The following PLCH1 variants were observed in gnomAD, a reference collection of about 807,000 sequenced individuals.
The protein encoded by PLCH1 is 1-phosphatidylinositol 4,5-bisphosphate phosphodiesterase eta-1.
PLCH1 carries 60 observed loss-of-function variants against 126.7 expected under a neutral mutation model. The ratio of observed to expected loss-of-function variants is 0.47; its 90% confidence interval spans 0.38 to 0.59. The LOEUF (loss-of-function observed/expected upper bound fraction) is 0.59. Ranked by LOEUF, PLCH1 falls within the 20% of genes least tolerant of loss-of-function variation. The pLI, the probability that PLCH1 is intolerant of heterozygous loss-of-function variation, is 0.00. For missense variants in PLCH1, 1,723 were observed against 2,040.0 expected (o/e 0.84, Z 2.99); for synonymous variants, 719 against 734.9 (o/e 0.98, Z 0.35).
intron 4 of PLCH1, among the ~76,000 whole-genome samples, chr3:155,590,083 A>T (rs1286725665): frequency 6.6e-6 from 1 of 152,210 alleles, no homozygotes; most frequent in Non-Finnish European, 1.5e-5. Flanking sequence ...GCCATCACTC[A>T]GCATGGCCAT....
rs557369057 is a variant in PLCH1, at chr3:155,737,231, C to CAAAAAAAAAA, written c.-41+7599_-41+7608dup. Among the ~76,000 whole-genome samples, 80 of 59,532 alleles carry CAAAAAAAAAA rather than the reference C, an allele frequency of 1.3e-3. 13 individuals are homozygous for CAAAAAAAAAA. The highest frequency in any genetic ancestry group is 2.5e-3 in the African/African-American group (43 of 17,446). 39.1% of individuals were successfully genotyped at this position (59,532 alleles called of 152,430 possible). On this transcript the variant is annotated intron_variant, in intron 1 of 22. Coordinates refer to ENST00000460012, the MANE Select transcript of PLCH1 (RefSeq NM_014996.4). Reference sequence around the variant, plus strand: ...TGGGTGACAGAGCAAGCCTCCGTCTCAAAAAAAAAAAAAAAAAAGAGTATA... The same window carrying CAAAAAAAAAA: ...TGGGTGACAGAGCAAGCCTCCGTCTCAAAAAAAAAAAAAAAAAAAAAAAAAAAAGAGTATA...
Position 155,566,333 on chromosome 3 carries a change from A to G in PLCH1, c.866-1215T>C, listed in dbSNP as rs75376633. On this transcript the variant is annotated intron_variant, in intron 7 of 22. Transcript: ENST00000460012. ...TATACATATATACATATATATACGTATATATACACATATATATACATATAT... is the reference window on the plus strand; with the variant it reads ...TATACATATATACATATATATACGTGTATATACACATATATATACATATAT... 8.6e-5 allele frequency among the ~76,000 whole-genome samples: 5 copies of G among 58,168 alleles called. 2 individuals carry two copies. Among genetic ancestry groups the G allele is most frequent in the Admixed American group, 3.3e-4 (2 of 6,030 alleles). The allele number at this position is 58,168 out of a possible 152,430, so 38.2% of individuals were successfully genotyped here.
At chr3:155,672,037 AAAT>A (rs1743522495) in intron 2 of PLCH1, among the ~76,000 whole-genome samples, 1 of 152,198 alleles carries the variant, frequency 6.6e-6, no homozygotes, top group Non-Finnish European at 1.5e-5. Flanking sequence ...AAAATCATAA[AAAT>A]AAACCTACCA....
At chr3:155,601,392 G>A (rs11707005) in intron 2 of PLCH1, among the ~76,000 whole-genome samples, 28,814 of 151,710 alleles carry the variant, frequency 0.19, 3,503 homozygotes, top group African/African-American at 0.35. Context: ...AATCCCTCAA[G>A]CAGAAAATGT....
intron 10 of PLCH1, among the ~76,000 whole-genome samples, chr3:155,547,856 C>G (rs945363335): frequency 3.2e-5 from 4 of 126,848 alleles, no homozygotes; most frequent in African/African-American, 1.2e-4. Context: ...CACATGGACA[C>G]AGGAAGGGGA....
At chr3:155,710,364 C>T (rs1038965777) in intron 1 of PLCH1, among the ~76,000 whole-genome samples, 4 of 152,164 alleles carry the variant, frequency 2.6e-5, no homozygotes, top group Non-Finnish European at 5.9e-5. Context: ...CAAATATCTT[C>T]TCCCAGACTG....
At chr3:155,488,197 T>G in intron 20 of PLCH1, 90 bp from the exon 21 acceptor site, 1 of 747,738 alleles carries the variant, frequency 1.3e-6, no homozygotes. Context: ...CTGACTTGAC[T>G]GTAGTTCTTT....
At chr3:155,584,194 T>C (rs1428628425) in intron 5 of PLCH1, among the ~76,000 whole-genome samples, 1 of 152,132 alleles carries the variant, frequency 6.6e-6, no homozygotes, top group African/African-American at 2.4e-5. Flanking sequence ...CAAAGCCCGA[T>C]TTCTAAAGAA....
At chr3:155,662,184 T>C (rs1213934437) in intron 2 of PLCH1, among the ~76,000 whole-genome samples, 1 of 152,192 alleles carries the variant, frequency 6.6e-6, no homozygotes, top group Non-Finnish European at 1.5e-5. Context: ...CTAGGCACGG[T>C]GGCTCTTGCC....
intron 2 of PLCH1, among the ~76,000 whole-genome samples, chr3:155,615,462 A>G (rs1735683741): frequency 6.6e-6 from 1 of 152,192 alleles, no homozygotes. Context: ...AGAAGTCATT[A>G]TATGAAAAAG....
intron 2 of PLCH1, among the ~76,000 whole-genome samples, chr3:155,657,594 C>CTA (rs1353355893): frequency 6.6e-6 from 1 of 152,144 alleles, no homozygotes; most frequent in East Asian, 1.9e-4. Flanking sequence ...TAATAATAAT[C>CTA]TATTATTTCC....
At chr3:155,581,861 C>G (rs1297890134) in intron 6 of PLCH1, among the ~76,000 whole-genome samples, 2 of 151,356 alleles carry the variant, frequency 1.3e-5, no homozygotes, top group African/African-American at 2.4e-5. Flanking sequence ...AGCATTCTCC[C>G]GTCTCAGCCT....
chr3:155,541,023 T>C (rs1447530740), intron 10 of PLCH1, among the ~76,000 whole-genome samples: 2 of 152,162 alleles, frequency 1.3e-5, no homozygotes, highest in Non-Finnish European at 2.9e-5. Context: ...AAAGAAAATG[T>C]GGTATACATA....
intron 11 of PLCH1, among the ~76,000 whole-genome samples, chr3:155,515,334 C>G (rs1198402782): frequency 2.6e-5 from 4 of 152,208 alleles, no homozygotes; most frequent in African/African-American, 9.7e-5. Context: ...TTTTTGGAAA[C>G]TAAGTTTTCT....
intron 2 of PLCH1, chr3:155,675,964 C>T (rs1228897663): frequency 3.3e-6 from 4 of 1,196,574 alleles, no homozygotes; most frequent in Non-Finnish European, 4.8e-6. Flanking sequence ...AGGACTATTA[C>T]ACTTACCTTA....
At position 155,482,292 on chromosome 3, in the gene PLCH1, C is replaced by A; in HGVS notation, c.3734G>T (p.Cys1245Phe). The change falls in exon 23 of 23, where the codon TGC becomes TTC. Residue 1245 changes from cysteine (C) to phenylalanine (F), a missense_variant. By Grantham distance (205) the Cys-to-Phe change is radical. Transcript: ENST00000460012. Reference protein sequence around the residue: ...CKGKSKSSFLCSSPELIALSS... With the variant: ...CKGKSKSSFLFSSPELIALSS... ...GAGTGCTATCAGCTCCGGAGATGAG[C>A]ACAGGAAGGAAGACTTGGATTTTCC... The A allele has an allele frequency of 1.2e-6, 2 of 1,614,140 alleles. No individual in the cohort carries two copies. The highest frequency in any genetic ancestry group is 1.7e-6 in the Non-Finnish European group (2 of 1,180,030).
At chr3:155,548,192 T>C (rs531872203) in intron 10 of PLCH1, among the ~76,000 whole-genome samples, 1 of 152,288 alleles carries the variant, frequency 6.6e-6, no homozygotes, top group South Asian at 2.1e-4. Flanking sequence ...AAGTGGTAAG[T>C]AGTCATAGAC....
intron 2 of PLCH1, among the ~76,000 whole-genome samples, chr3:155,702,147 T>TGTATTCCA (rs1408253346): frequency 6.6e-6 from 1 of 152,166 alleles, no homozygotes; most frequent in African/African-American, 2.4e-5. Flanking sequence ...ATTGTAATTC[T>TGTATTCCA]CAGAAATACT....
At chr3:155,562,710 C>T (rs537713500) in intron 8 of PLCH1, among the ~76,000 whole-genome samples, 13 of 152,200 alleles carry the variant, frequency 8.5e-5, no homozygotes, top group Non-Finnish European at 1.8e-4. Flanking sequence ...AGCCCTGTGG[C>T]CAATCTCCAC....
Sources: gnomAD v4.1 joint callset for allele counts (sites outside exome capture counted in the v4.1 genomes callset) on GRCh38, gnomAD v4.1.1 for gene constraint, MANE v1.5 for transcripts, NCBI Gene and HGNC (gene_info 2026-07-23, HGNC 2026-07-21) for gene names.